Variants in NXPH1 observed in about 807,000 individuals in gnomAD.
NXPH1 encodes the protein neurexophilin 1, also known as neurexophilin-1.
A neutral mutation model predicts 23.7 loss-of-function variants in NXPH1; 5 were observed. The ratio of observed to expected loss-of-function variants is 0.21; its 90% CI spans 0.11 to 0.44. The LOEUF (loss-of-function observed/expected upper bound fraction) is 0.44. NXPH1 is among the 20% of genes least tolerant of loss of function. The probability of loss-of-function intolerance (pLI) is 0.99; values close to 1 mark genes in which losing one functional copy is unlikely to be tolerated. For synonymous variants in NXPH1, 144 were observed against 122.2 expected (o/e 1.18, Z -1.18); for missense variants, 324 against 321.6 (o/e 1.01, Z -0.06).
At chr7:8,626,384 C>CTTT (rs542544198) in intron 2 of NXPH1, among the ~76,000 whole-genome samples, 8 of 136,332 alleles carry the variant, frequency 5.9e-5, no homozygotes, top group African/African-American at 2.1e-4. Context: ...ATGCAGTTTA[C>CTTT]TTTTTTTTTT....
At chr7:8,558,890 G>T (rs1470302516) in intron 2 of NXPH1, among the ~76,000 whole-genome samples, 1 of 151,096 alleles carries the variant, frequency 6.6e-6, no homozygotes, top group East Asian at 2.0e-4. Context: ...GTTTTGATCT[G>T]TTTTTGGAAG....
intron 2 of NXPH1, among the ~76,000 whole-genome samples, chr7:8,583,615 C>T (rs917600664): frequency 1.3e-5 from 2 of 152,074 alleles, no homozygotes; most frequent in Admixed American, 6.5e-5. Context: ...GTGATAGAAT[C>T]GAGGATGCCA....
intron 2 of NXPH1, among the ~76,000 whole-genome samples, chr7:8,446,688 T>G (rs1240762758): frequency 6.6e-6 from 1 of 152,188 alleles, no homozygotes. Context: ...CTACATTTTC[T>G]CATTTATTCT....
intron 2 of NXPH1, among the ~76,000 whole-genome samples, chr7:8,705,099 C>A (rs185674001): frequency 3.4e-4 from 51 of 152,192 alleles, no homozygotes; most frequent in Non-Finnish European, 6.2e-4. Context: ...TTGTGCTTGT[C>A]CTGACACAGA....
chr7:8,710,940 G>A (rs566503477), intron 2 of NXPH1, among the ~76,000 whole-genome samples: 2 of 114,994 alleles, frequency 1.7e-5, no homozygotes, highest in South Asian at 2.7e-4. Flanking sequence ...GGGACTACAG[G>A]CGTGAGCCAC....
intron 2 of NXPH1, among the ~76,000 whole-genome samples, chr7:8,734,258 G>C (rs928389275): frequency 6.6e-6 from 1 of 152,180 alleles, no homozygotes; most frequent in African/African-American, 2.4e-5. Context: ...CCACTACCAT[G>C]CTGTTTTGGA....
At chr7:8,466,601 C>T (rs1257770823) in intron 2 of NXPH1, among the ~76,000 whole-genome samples, 1 of 152,064 alleles carries the variant, frequency 6.6e-6, no homozygotes, top group Non-Finnish European at 1.5e-5. Context: ...TGTAAATTAA[C>T]GTATTCTTAG....
At position 8,679,235 on chromosome 7, in the gene NXPH1, C is replaced by T. The variant is rs945755772; in HGVS notation, c.55-71773C>T. On this transcript the variant is annotated intron_variant, in intron 2 of 2. Coordinates refer to ENST00000405863, the MANE Select transcript of NXPH1 (RefSeq NM_152745.3). ...GTGCTGAGATTACAGGTGTGAGCCA[C>T]CGCGCCCAGCCTGCTTTATCCAATT... Among the ~76,000 whole-genome samples, 8 of 152,166 alleles carry T rather than the reference C, an allele frequency of 5.3e-5. No homozygotes were observed. In the South Asian group the frequency reaches 1.7e-3, roughly 32 times the overall value.
At chr7:8,660,820 GGTTAAACA>G (rs1263992317) in intron 2 of NXPH1, among the ~76,000 whole-genome samples, 15 of 151,958 alleles carry the variant, frequency 9.9e-5, no homozygotes, top group Admixed American at 5.9e-4. Context: ...TACTCTAGAA[GGTTAAACA>G]TTTGATTTTT....
chr7:8,503,364 C>A (rs1479450866), intron 2 of NXPH1, among the ~76,000 whole-genome samples: 1 of 151,934 alleles, frequency 6.6e-6, no homozygotes, highest in Non-Finnish European at 1.5e-5. Context: ...CTGAATTCCT[C>A]CCCTGTGCGG....
At chr7:8,638,833 G>T (rs1820259850) in intron 2 of NXPH1, among the ~76,000 whole-genome samples, 2 of 151,980 alleles carry the variant, frequency 1.3e-5, no homozygotes, top group South Asian at 4.2e-4. Flanking sequence ...GCACTTTACT[G>T]CTCGTATTTT....
intron 2 of NXPH1, among the ~76,000 whole-genome samples, chr7:8,484,420 T>C (rs569062141): frequency 6.6e-6 from 1 of 152,138 alleles, no homozygotes; most frequent in East Asian, 1.9e-4. Context: ...GAGAGCTCAG[T>C]GATAGCAGCT....
chr7:8,456,948 C>A (rs981061037), intron 2 of NXPH1, among the ~76,000 whole-genome samples: 1 of 152,148 alleles, frequency 6.6e-6, no homozygotes, highest in Non-Finnish European at 1.5e-5. Context: ...AACTCTCTAT[C>A]CTTCTTAGAT....
chr7:8,691,408 C>G (rs1821219061), intron 2 of NXPH1, among the ~76,000 whole-genome samples: 1 of 152,178 alleles, frequency 6.6e-6, no homozygotes, highest in African/African-American at 2.4e-5. Flanking sequence ...CTCAGCCTCC[C>G]AAAGTGCTGG....
chr7:8,593,383 T>A (rs531750066), intron 2 of NXPH1, among the ~76,000 whole-genome samples: 2 of 152,096 alleles, frequency 1.3e-5, no homozygotes, highest in South Asian at 2.1e-4. Flanking sequence ...AGAAAGATGA[T>A]TAAAATCCTG....
At chr7:8,540,120 A>G (rs1818090980) in intron 2 of NXPH1, among the ~76,000 whole-genome samples, 1 of 151,878 alleles carries the variant, frequency 6.6e-6, no homozygotes, top group African/African-American at 2.4e-5. Flanking sequence ...AAAACAATAT[A>G]GTAGTGATTC....
At chr7:8,524,518 C>T (rs1465972232) in intron 2 of NXPH1, among the ~76,000 whole-genome samples, 1 of 152,112 alleles carries the variant, frequency 6.6e-6, no homozygotes, top group Admixed American at 6.5e-5. Flanking sequence ...ATGGATTGTT[C>T]CTCTCTCCTT....
At chr7:8,565,109 T>C (rs145665361) in intron 2 of NXPH1, among the ~76,000 whole-genome samples, 102 of 151,892 alleles carry the variant, frequency 6.7e-4, no homozygotes, top group African/African-American at 2.4e-3. Context: ...AAATCAGATG[T>C]GGCCCTGTGT....
At chr7:8,637,216 GGACT>G (rs959057788) in intron 2 of NXPH1, among the ~76,000 whole-genome samples, 10 of 150,860 alleles carry the variant, frequency 6.6e-5, no homozygotes, top group African/African-American at 2.4e-4. Flanking sequence ...CTCACTGCTG[GGACT>G]GACTCTTTTT....
Sources: gnomAD v4.1 joint callset for allele counts (sites outside exome capture counted in the v4.1 genomes callset) on GRCh38, gnomAD v4.1.1 for gene constraint, MANE v1.5 for transcripts, NCBI Gene and HGNC (gene_info 2026-07-23, HGNC 2026-07-21) for gene names.